The following SMIM36 variants were observed in gnomAD, a reference collection of about 807,000 sequenced individuals.
SMIM36 encodes the protein small integral membrane protein 36.
chr17:55,485,684 A>G (rs1909591697), intron 1 of SMIM36, among the ~76,000 whole-genome samples: 1 of 152,212 alleles, frequency 6.6e-6, no homozygotes, highest in African/African-American at 2.4e-5. Context: ...TAATGTTAAT[A>G]TCTAATATAC....
At chr17:55,509,531 C>T (rs1258639808) in intron 1 of SMIM36, among the ~76,000 whole-genome samples, 1 of 152,158 alleles carries the variant, frequency 6.6e-6, no homozygotes, top group East Asian at 1.9e-4. Flanking sequence ...TCTGTTGACT[C>T]CTGCATCCTA....
chr17:55,518,674 A>G, the SMIM36 span, among the ~76,000 whole-genome samples: 73,247 of 151,992 alleles, frequency 0.48, 17,917 homozygotes, highest in Middle Eastern at 0.51. Context: ...GGAAATAGCT[A>G]GAAAGCAGGG....
the SMIM36 span, among the ~76,000 whole-genome samples, chr17:55,529,196 C>G: frequency 6.6e-6 from 1 of 152,092 alleles, no homozygotes; most frequent in African/African-American, 2.4e-5. Context: ...CCTCTTGCTG[C>G]AGTATAAAAG....
At chr17:55,470,098 G>C (rs1909317097) in intron 3 of SMIM36, among the ~76,000 whole-genome samples, 1 of 152,168 alleles carries the variant, frequency 6.6e-6, no homozygotes, top group Non-Finnish European at 1.5e-5. Flanking sequence ...CTGGCCACTG[G>C]ACCAAGGAAT....
intron 1 of SMIM36, among the ~76,000 whole-genome samples, chr17:55,484,812 A>G (rs1249646067): frequency 6.6e-6 from 1 of 152,244 alleles, no homozygotes; most frequent in Non-Finnish European, 1.5e-5. Context: ...CACTGTAAGC[A>G]TGTGGTACAT....
intron 1 of SMIM36, among the ~76,000 whole-genome samples, chr17:55,482,394 G>T (rs919124559): frequency 2.0e-5 from 3 of 152,154 alleles, no homozygotes; most frequent in African/African-American, 7.2e-5. Context: ...CCTTGTCCAA[G>T]AAGTTGTCTG....
chr17:55,475,181 C>T (rs1344978285), intron 3 of SMIM36, among the ~76,000 whole-genome samples: 1 of 152,122 alleles, frequency 6.6e-6, no homozygotes, highest in East Asian at 1.9e-4. Flanking sequence ...TCACCATTCT[C>T]AACTACTCAT....
At chr17:55,529,848 T>A in the SMIM36 span, among the ~76,000 whole-genome samples, 2 of 152,004 alleles carry the variant, frequency 1.3e-5, no homozygotes, top group Non-Finnish European at 2.9e-5. Context: ...GAAACCTAAC[T>A]TTTCCTTCTC....
At chr17:55,461,134 G>A (rs1194922940) in intron 4 of SMIM36, among the ~76,000 whole-genome samples, 1 of 152,102 alleles carries the variant, frequency 6.6e-6, no homozygotes, top group Non-Finnish European at 1.5e-5. Flanking sequence ...AGAGATTTGT[G>A]TACATTAGAC....
the SMIM36 span, among the ~76,000 whole-genome samples, chr17:55,526,801 C>T: frequency 6.6e-6 from 1 of 152,066 alleles, no homozygotes; most frequent in Admixed American, 6.6e-5. Context: ...CATTTCTTTC[C>T]CCTCCCCACA....
At chr17:55,484,467 C>T (rs1909572138) in intron 1 of SMIM36, among the ~76,000 whole-genome samples, 1 of 152,182 alleles carries the variant, frequency 6.6e-6, no homozygotes, top group South Asian at 2.1e-4. Flanking sequence ...TTTACAATGG[C>T]TTGATCATGC....
chr17:55,464,438 T>C (rs566831525), intron 4 of SMIM36, among the ~76,000 whole-genome samples: 1 of 152,180 alleles, frequency 6.6e-6, no homozygotes, highest in East Asian at 1.9e-4. Context: ...TGTAGGATGT[T>C]CAGATCTGGT....
chr17:55,453,241 C>A (rs1277071612), intron 4 of SMIM36, among the ~76,000 whole-genome samples: 1 of 151,854 alleles, frequency 6.6e-6, no homozygotes, highest in East Asian at 1.9e-4. Flanking sequence ...GGCTTGAGCC[C>A]AGGAGTTTGA....
At chr17:55,525,608 C>T in the SMIM36 span, among the ~76,000 whole-genome samples, 6 of 152,152 alleles carry the variant, frequency 3.9e-5, no homozygotes, top group African/African-American at 1.4e-4. Context: ...AGGATAGGGA[C>T]AAAATATCTA....
At chr17:55,462,636 T>C (rs968651985) in intron 4 of SMIM36, among the ~76,000 whole-genome samples, 3 of 152,020 alleles carry the variant, frequency 2.0e-5, no homozygotes, top group Non-Finnish European at 4.4e-5. Flanking sequence ...AATAAATACA[T>C]ACAAATTTTT....
chr17:55,490,837 CAA>C (rs1326872585), intron 1 of SMIM36, among the ~76,000 whole-genome samples: 2 of 151,174 alleles, frequency 1.3e-5, no homozygotes, highest in Non-Finnish European at 2.9e-5. Context: ...GAAAATACAA[CAA>C]AATGATATAG....
intron 1 of SMIM36, among the ~76,000 whole-genome samples, chr17:55,501,239 A>AAT: frequency 1.1e-5 from 1 of 87,810 alleles, no homozygotes; most frequent in African/African-American, 4.5e-5. Context: ...TATAATATAT[A>AAT]ATATAGTATT....
chr17:55,501,656 G>T (rs978719603), intron 1 of SMIM36, among the ~76,000 whole-genome samples: 1 of 142,458 alleles, frequency 7.0e-6, no homozygotes, highest in Non-Finnish European at 1.5e-5. Flanking sequence ...AATATATATT[G>T]AATATATAAT....
upstream of SMIM36, chr17:55,511,584 A>AAG (rs1215737194): frequency 8.4e-5 from 24 of 284,882 alleles, no homozygotes; most frequent in Non-Finnish European, 1.1e-4. Context: ...CAGAGAGAGA[A>AAG]AGAGAGAGAG....
Sources: gnomAD v4.1 joint callset for allele counts (sites outside exome capture counted in the v4.1 genomes callset) on GRCh38, gnomAD v4.1.1 for gene constraint, MANE v1.5 for transcripts, NCBI Gene and HGNC (gene_info 2026-07-23, HGNC 2026-07-21) for gene names.